Variants in MCUB observed in about 807,000 individuals in gnomAD.
MCUB encodes mitochondrial calcium uniporter dominant negative subunit beta.
In MCUB, 46 loss-of-function variants were observed where a neutral mutation model predicts 41.4. The ratio of observed to expected loss-of-function variants is 1.11; its 90% CI spans 0.88 to 1.42. The LOEUF is 1.42. Among genes scored for constraint, MCUB ranks in the 40% most tolerant of loss-of-function variants. The pLI is 0.00. For missense variants in MCUB, 403 were observed against 404.9 expected (o/e 1.00, Z 0.04); for synonymous variants, 148 against 148.2 (o/e 1.00, Z 0.01).
intron 1 of MCUB, among the ~76,000 whole-genome samples, chr4:109,620,954 A>G (rs1212258815): frequency 6.6e-6 from 1 of 151,170 alleles, no homozygotes; most frequent in Non-Finnish European, 1.5e-5. Context: ...GCTGGAGTGC[A>G]GTGGCTCTCT....
chr4:109,599,259 T>A (rs539059065), intron 1 of MCUB, among the ~76,000 whole-genome samples: 1 of 152,222 alleles, frequency 6.6e-6, no homozygotes, highest in Non-Finnish European at 1.5e-5. Flanking sequence ...TTGCATAGTT[T>A]CCATTTAAAG....
At chr4:109,628,031 G>C (rs1728399484) in intron 1 of MCUB, among the ~76,000 whole-genome samples, 1 of 152,188 alleles carries the variant, frequency 6.6e-6, no homozygotes, top group Non-Finnish European at 1.5e-5. Flanking sequence ...ATAAGAATTA[G>C]GAAGATGTTA....
At chr4:109,577,564 G>GATCGTTTC (rs1424865241) in intron 1 of MCUB, among the ~76,000 whole-genome samples, 1 of 146,596 alleles carries the variant, frequency 6.8e-6, no homozygotes, top group East Asian at 2.1e-4. Flanking sequence ...GCTAAAACTT[G>GATCGTTTC]ATCGTTTCAT....
intron 1 of MCUB, among the ~76,000 whole-genome samples, chr4:109,565,827 A>C (rs912028498): frequency 2.0e-5 from 3 of 148,272 alleles, no homozygotes; most frequent in Admixed American, 6.6e-5. Context: ...CCATCAAATA[A>C]ATTTTCATTT....
chr4:109,642,838 T>C (rs558330827), intron 1 of MCUB, among the ~76,000 whole-genome samples: 1 of 152,232 alleles, frequency 6.6e-6, no homozygotes, highest in South Asian at 2.1e-4. Flanking sequence ...TGACATATTG[T>C]TTTTTGGTTA....
At chr4:109,578,763 C>T (rs1727095520) in intron 1 of MCUB, among the ~76,000 whole-genome samples, 1 of 152,240 alleles carries the variant, frequency 6.6e-6, no homozygotes, top group East Asian at 1.9e-4. Flanking sequence ...GCCTCGGCCT[C>T]CCAAAGAATC....
intron 1 of MCUB, among the ~76,000 whole-genome samples, chr4:109,599,342 G>A (rs1404587412): frequency 6.7e-6 from 1 of 149,936 alleles, no homozygotes; most frequent in Admixed American, 6.6e-5. Flanking sequence ...TTATGCGATT[G>A]AAAACATCTT....
chr4:109,616,762 A>G (rs1484873355), intron 1 of MCUB, among the ~76,000 whole-genome samples: 1 of 152,202 alleles, frequency 6.6e-6, no homozygotes, highest in Non-Finnish European at 1.5e-5. Flanking sequence ...TGTATATAAT[A>G]TGTTTTTAAA....
chr4:109,606,762 G>T (rs544093356), intron 1 of MCUB, among the ~76,000 whole-genome samples: 3 of 151,988 alleles, frequency 2.0e-5, no homozygotes, highest in South Asian at 2.1e-4. Flanking sequence ...TTTTGTGTGT[G>T]TGAAATGGAA....
chr4:109,664,655 A>G (rs545714624), intron 4 of MCUB, among the ~76,000 whole-genome samples: 8 of 151,996 alleles, frequency 5.3e-5, no homozygotes, highest in South Asian at 4.2e-4. Context: ...CTTCACTTTT[A>G]CCTTTAGCTG....
At chr4:109,618,853 A>G (rs915578243) in intron 1 of MCUB, among the ~76,000 whole-genome samples, 1 of 152,168 alleles carries the variant, frequency 6.6e-6, no homozygotes, top group African/African-American at 2.4e-5. Flanking sequence ...AAAATTGCCA[A>G]CATAACAATA....
chr4:109,573,511 A>G (rs1388439598), intron 1 of MCUB, among the ~76,000 whole-genome samples: 3 of 152,014 alleles, frequency 2.0e-5, no homozygotes, highest in Non-Finnish European at 4.4e-5. Flanking sequence ...TGCTAGGAAA[A>G]GGTTGTTTCT....
At chr4:109,627,676 A>G (rs920857881) in intron 1 of MCUB, among the ~76,000 whole-genome samples, 5 of 152,082 alleles carry the variant, frequency 3.3e-5, no homozygotes, top group African/African-American at 1.2e-4. Flanking sequence ...ACTTTGGGAG[A>G]CCAAGGTAGG....
intron 1 of MCUB, among the ~76,000 whole-genome samples, chr4:109,647,422 C>T (rs370844556): frequency 3.9e-4 from 60 of 152,276 alleles, no homozygotes; most frequent in African/African-American, 1.3e-3. Flanking sequence ...GTCATGTAGT[C>T]GGAATCACAC....
chr4:109,609,548 G>A (rs1170073049), intron 1 of MCUB, among the ~76,000 whole-genome samples: 1 of 152,018 alleles, frequency 6.6e-6, no homozygotes, highest in Non-Finnish European at 1.5e-5. Context: ...ATCTTGTGCC[G>A]ACCTCCTATC....
Position 109,687,620 on chromosome 4 carries a change from T to A in MCUB, c.*28T>A. 6.8e-7 allele frequency: 1 copy of A among 1,462,136 alleles called. No individual in the cohort carries two copies. Among genetic ancestry groups the A allele is most frequent in the Non-Finnish European group, 9.5e-7 (1 of 1,047,382 alleles). The allele number at this position is 1,462,136 out of a possible 1,614,324, so 90.6% of individuals were successfully genotyped here. On this transcript the variant is annotated 3_prime_UTR_variant, in exon 8 of 8. Transcript: ENST00000394650. Reference sequence around the variant, plus strand: ...TTACAGTTTTAAATGTCGTCAGATTTTCCATTATGTATTGATTTTGCAACT... The same window carrying A: ...TTACAGTTTTAAATGTCGTCAGATTATCCATTATGTATTGATTTTGCAACT...
intron 1 of MCUB, among the ~76,000 whole-genome samples, chr4:109,592,624 C>G (rs554496213): frequency 2.0e-5 from 3 of 152,126 alleles, no homozygotes; most frequent in Non-Finnish European, 4.4e-5. Flanking sequence ...ATCATTTACT[C>G]CAGCCTAGAA....
intron 4 of MCUB, among the ~76,000 whole-genome samples, chr4:109,675,280 T>C (rs1729547724): frequency 6.6e-6 from 1 of 152,352 alleles, no homozygotes; most frequent in Middle Eastern, 3.4e-3. Context: ...TTCGTGCCAC[T>C]TGACAAAGAC....
rs59048122 is a variant in MCUB, at chr4:109,607,310, C to T, written c.99+46874C>T. On this transcript the variant is annotated intron_variant, in intron 1 of 7. Coordinates refer to ENST00000394650, the MANE Select transcript of MCUB (RefSeq NM_017918.5). The stretch of plus-strand genomic sequence containing the variant: ...TTGGCTCACTGCAACCTCTGCCTCT[C>T]GGGTTCAAGCAATTCTCCTGTCTCA... Among the ~76,000 whole-genome samples, 315 of 151,864 alleles carry T rather than the reference C, an allele frequency of 2.1e-3. 1 individual carries two copies. The highest frequency in any genetic ancestry group is 6.9e-3 in the African/African-American group (287 of 41,418).
Sources: gnomAD v4.1 joint callset for allele counts (sites outside exome capture counted in the v4.1 genomes callset) on GRCh38, gnomAD v4.1.1 for gene constraint, MANE v1.5 for transcripts, NCBI Gene and HGNC (gene_info 2026-07-23, HGNC 2026-07-21) for gene names.